Variants in NEK1 observed in about 807,000 individuals in gnomAD.
The protein encoded by NEK1 is serine/threonine-protein kinase Nek1.
NEK1 carries 137 observed loss-of-function variants against 182.1 expected under a neutral mutation model. That is an observed-to-expected ratio of 0.75 (90% CI 0.65 to 0.87). The LOEUF is 0.87. NEK1 is among the 40% of genes least tolerant of loss of function. The pLI is 0.00. For synonymous variants in NEK1, 513 were observed against 492.2 expected (o/e 1.04, Z -0.56); for missense variants, 1,391 against 1,494.4 (o/e 0.93, Z 1.14).
intron 27 of NEK1, among the ~76,000 whole-genome samples, chr4:169,447,200 G>T (rs1287498555): frequency 6.6e-6 from 1 of 152,180 alleles, no homozygotes; most frequent in South Asian, 2.1e-4. Flanking sequence ...AGCAGACTTT[G>T]TGTCTGGCAG....
chr4:169,519,875 C>T (rs62334502), intron 19 of NEK1, among the ~76,000 whole-genome samples: 4 of 47,342 alleles, frequency 8.4e-5, no homozygotes, highest in East Asian at 5.3e-4. Context: ...CCGAGAGATC[C>T]GCTGTTAGTC....
At chr4:169,483,684 G>A (rs1180553446) in intron 23 of NEK1, among the ~76,000 whole-genome samples, 1 of 151,922 alleles carries the variant, frequency 6.6e-6, no homozygotes, top group Non-Finnish European at 1.5e-5. Context: ...GGCCATCATG[G>A]TGAAACCCTC....
In NEK1 at chr4:169,515,207, T is replaced by C. The variant is rs564641562; in HGVS notation, c.1666-6355A>G. On this transcript the variant is annotated intron_variant, in intron 19 of 35. Coordinates refer to ENST00000507142, the MANE Select transcript of NEK1 (RefSeq NM_001199397.3). ...TATTTGTAAAGGTTTTATAATTCAGTATATTATCTTGATGAATTTTTGATG... is the reference window on the plus strand; with the variant it reads ...TATTTGTAAAGGTTTTATAATTCAGCATATTATCTTGATGAATTTTTGATG... Among the ~76,000 whole-genome samples the C allele has an allele frequency of 2.0e-5, 3 of 152,336 alleles. No homozygotes were observed. The South Asian group carries it at 6.2e-4, about 32-fold the overall frequency.
intron 23 of NEK1, among the ~76,000 whole-genome samples, chr4:169,483,585 G>A (rs1748486607): frequency 6.6e-6 from 1 of 152,140 alleles, no homozygotes; most frequent in African/African-American, 2.4e-5. Flanking sequence ...ACTACAAATA[G>A]GCCGGGCGCA....
chr4:169,452,509 G>A (rs761076237), intron 27 of NEK1, among the ~76,000 whole-genome samples: 8 of 152,050 alleles, frequency 5.3e-5, no homozygotes, highest in African/African-American at 1.2e-4. Context: ...CTGGTTCAAC[G>A]TACACAAATC....
intron 12 of NEK1, among the ~76,000 whole-genome samples, chr4:169,571,874 A>T (rs1358434053): frequency 6.8e-6 from 1 of 148,118 alleles, no homozygotes; most frequent in African/African-American, 2.5e-5. Flanking sequence ...GATTATAGGC[A>T]CACACCACCA....
intron 27 of NEK1, among the ~76,000 whole-genome samples, chr4:169,454,319 GAATAGACAAATGGGATCT>G (rs1489482284): frequency 6.6e-6 from 1 of 151,950 alleles, no homozygotes; most frequent in Non-Finnish European, 1.5e-5. Context: ...ACAAAAGCCA[GAATAGACAAATGGGATCT>G]AATTAAACTA....
At chr4:169,491,516 T>C (rs548958792) in intron 23 of NEK1, among the ~76,000 whole-genome samples, 2 of 152,264 alleles carry the variant, frequency 1.3e-5, no homozygotes, top group African/African-American at 4.8e-5. Flanking sequence ...TTAGAAAAGC[T>C]GTTTTTCAGA....
intron 31 of NEK1, among the ~76,000 whole-genome samples, chr4:169,414,835 CAATGGTGAATGAACAA>C (rs925939222): frequency 6.6e-6 from 1 of 152,164 alleles, no homozygotes; most frequent in African/African-American, 2.4e-5. Context: ...GATCATTAAT[CAATGGTGAATGAACAA>C]AATGGTGAAT....
intron 26 of NEK1, among the ~76,000 whole-genome samples, chr4:169,470,853 C>T (rs6815829): frequency 0.19 from 29,460 of 152,084 alleles, 4,281 homozygotes; most frequent in African/African-American, 0.41. Context: ...CTTGTCTTCA[C>T]TCTTTATTTC....
rs186196078 is a variant in NEK1, at chr4:169,549,622, C to A, written c.1562+6098G>T. On this transcript the variant is annotated intron_variant, in intron 18 of 35. Coordinates refer to ENST00000507142, the MANE Select transcript of NEK1 (RefSeq NM_001199397.3). ...ATTTTTAGTAGAGACAGGGTTTTGC[C>A]ACGTTGGCCAGGCTAGTCTTGAACT... Among the ~76,000 whole-genome samples the A allele has an allele frequency of 3.9e-5, 6 of 152,278 alleles. No individual in the cohort carries two copies. The East Asian group carries it at 7.7e-4, about 20-fold the overall frequency.
At chr4:169,609,723 A>T (rs546381122) in intron 2 of NEK1, among the ~76,000 whole-genome samples, 89 of 152,232 alleles carry the variant, frequency 5.8e-4, no homozygotes, top group African/African-American at 2.1e-3. Flanking sequence ...AGTTGAAAAG[A>T]TTTTTCAATC....
chr4:169,422,703 A>C (rs1266534316), intron 31 of NEK1, among the ~76,000 whole-genome samples: 1 of 152,166 alleles, frequency 6.6e-6, no homozygotes, highest in Non-Finnish European at 1.5e-5. Flanking sequence ...ACTCCTCTAC[A>C]TGAAATCTGC....
At chr4:169,469,662 C>T (rs905224952) in intron 26 of NEK1, among the ~76,000 whole-genome samples, 8 of 152,066 alleles carry the variant, frequency 5.3e-5, no homozygotes, top group Non-Finnish European at 8.8e-5. Context: ...GAGTTCAAGT[C>T]CTGAATATCC....
intron 23 of NEK1, among the ~76,000 whole-genome samples, chr4:169,495,239 CTTTT>C (rs774183115): frequency 9.5e-6 from 1 of 105,448 alleles, no homozygotes; most frequent in Non-Finnish European, 1.9e-5. Context: ...ACATTTAAGT[CTTTT>C]TTTTTTTTTT....
Position 169,589,527 on chromosome 4 carries a change from G to GA in NEK1, c.397-14_397-13insT. On this transcript the variant is annotated splice_polypyrimidine_tract_variant and intron_variant, in intron 6 of 35. Coordinates refer to ENST00000507142, the MANE Select transcript of NEK1 (RefSeq NM_001199397.3). ...TTAAAAATATGTTCTGTAAAAGACA[G>GA]GAAAAAAAAAAACCCTAGAAATATT... The GA allele has an allele frequency of 2.9e-6, 4 of 1,394,604 alleles. No individual in the cohort carries two copies. Among genetic ancestry groups the GA allele is most frequent in the South Asian group, 1.4e-5 (1 of 72,100 alleles). The allele number at this position is 1,394,604 out of a possible 1,614,324, so 86.4% of individuals were successfully genotyped here.
At chr4:169,488,111 C>T (rs148986908) in intron 23 of NEK1, among the ~76,000 whole-genome samples, 1,791 of 152,142 alleles carry the variant, frequency 0.012, 34 homozygotes, top group African/African-American at 0.04. Context: ...AATTTTCTCC[C>T]ATTCTGTAGG....
At chr4:169,542,120 A>G (rs1309940331) in intron 18 of NEK1, among the ~76,000 whole-genome samples, 1 of 152,164 alleles carries the variant, frequency 6.6e-6, no homozygotes, top group Non-Finnish European at 1.5e-5. Context: ...TGCTGTATCC[A>G]TCAACCTGTC....
chr4:169,482,719 G>A lies in NEK1; in HGVS notation c.2008-3185C>T, dbSNP rs562384376. 1.6e-4 allele frequency among the ~76,000 whole-genome samples: 24 copies of A among 151,508 alleles called. No homozygotes were observed. The East Asian group carries it at 2.7e-3, about 17-fold the overall frequency. On this transcript the variant is annotated intron_variant, in intron 23 of 35. Transcript: ENST00000507142. ...GGTGCAATGGCTCAGTGAAACCTCCGCCTCCCTCCTGGATTTACATGATTC... is the reference window on the plus strand; with the variant it reads ...GGTGCAATGGCTCAGTGAAACCTCCACCTCCCTCCTGGATTTACATGATTC...
Sources: allele counts gnomAD v4.1 joint callset (sites outside exome capture counted in the v4.1 genomes callset), GRCh38; gene constraint gnomAD v4.1.1; transcripts MANE v1.5; gene names NCBI Gene and HGNC (gene_info 2026-07-23, HGNC 2026-07-21).